VWA5A: variants seen among roughly 807,000 people sequenced by gnomAD.
The protein encoded by VWA5A is von Willebrand factor A domain-containing protein 5A.
Under a neutral mutation model 84.6 loss-of-function variants are expected in VWA5A, and 77 were observed. The ratio of observed to expected loss-of-function variants is 0.91; its 90% confidence interval spans 0.76 to 1.10. VWA5A has a LOEUF of 1.10. Among genes scored for constraint, VWA5A ranks in the 50% least tolerant of loss-of-function variants. VWA5A has a pLI of 0.00. For synonymous variants in VWA5A, 334 were observed against 350.1 expected (o/e 0.95, Z 0.51); for missense variants, 973 against 963.0 (o/e 1.01, Z -0.14).
intron 11 of VWA5A, chr11:124,124,572 AT>A (rs1037566326): frequency 6.4e-5 from 77 of 1,198,894 alleles, no homozygotes; most frequent in Middle Eastern, 6.3e-4. Flanking sequence ...TAAGATGTTA[AT>A]TTTTTTTACT....
chr11:124,145,772 A>T (rs1235689943), intron 18 of VWA5A, 94 bp from the exon 19 acceptor site: 1 of 1,302,516 alleles, frequency 7.7e-7, no homozygotes, highest in Non-Finnish European at 1.1e-6. Flanking sequence ...TTGAGGACAG[A>T]TAAAAGCACA....
At position 124,119,048 on chromosome 11, in the gene VWA5A, C is replaced by A. The variant is rs1344858081; in HGVS notation, c.719C>A (p.Pro240His). 3 of 1,614,204 alleles carry A rather than the reference C, an allele frequency of 1.9e-6. No individual in the cohort carries two copies. The South Asian group carries it at 3.3e-5, about 18-fold the overall frequency. Reference protein sequence around the residue: ...LLIYYNEVHTPSVVLEMGMPN... With the variant: ...LLIYYNEVHTHSVVLEMGMPN... ...ATTTACTACAATGAGGTGCATACCCCCAGCGTGGTTTTGGAGATGGGGATG... is the reference window on the plus strand; with the variant it reads ...ATTTACTACAATGAGGTGCATACCCACAGCGTGGTTTTGGAGATGGGGATG... The change falls in exon 7 of 19, where the codon CCC becomes CAC. Residue 240 changes from proline (P) to histidine (H), a missense_variant. Physicochemically the swap from Pro to His is moderately conservative, Grantham distance 77. Transcript: ENST00000456829.
intron 12 of VWA5A, 107 bp downstream of exon 12, chr11:124,135,141 T>C: frequency 1.2e-6 from 1 of 834,262 alleles, no homozygotes; most frequent in East Asian, 2.6e-5. Context: ...TCCTCCAGGA[T>C]ACCTGTTCCT....
rs1441393935 is a variant in VWA5A, at chr11:124,117,935, A to G, written c.246+60A>G. ...TACCTCCTCCCTTCTTATTTCCTTA[A>G]TGCATACTCTTTATGATCTCTACTA... On this transcript the variant is annotated intron_variant, in intron 4 of 18. Transcript: ENST00000456829. The G allele has an allele frequency of 3.8e-6, 6 of 1,575,790 alleles. No homozygotes were observed. In the African/African-American group the frequency reaches 8.1e-5, roughly 21 times the overall value.
intron 11 of VWA5A, among the ~76,000 whole-genome samples, chr11:124,128,526 G>A (rs1450188289): frequency 6.6e-6 from 1 of 152,122 alleles, no homozygotes; most frequent in Non-Finnish European, 1.5e-5. Flanking sequence ...GAAATTTAAA[G>A]TAGTTTTTTC....
Position 124,123,570 on chromosome 11 carries a change from C to G in VWA5A, c.1020-90C>G, listed in dbSNP as rs1303559276. 38 of 1,610,736 alleles carry G rather than the reference C, an allele frequency of 2.4e-5. No individual in the cohort carries two copies. The East Asian group carries it at 4.9e-4, about 21-fold the overall frequency. ...GGCATTGGGGGTTTCGGATAAGACT[C>G]TCTTTTAATGGGGGTTTCTCAATTC... On this transcript the variant is annotated intron_variant, in intron 9 of 18. Transcript: ENST00000456829.
At position 124,141,748 on chromosome 11, in the gene VWA5A, A is replaced by T; in HGVS notation, c.2023+7A>T. On this transcript the variant is annotated splice_region_variant and intron_variant, in intron 16 of 18. Coordinates refer to ENST00000456829, the MANE Select transcript of VWA5A (RefSeq NM_001130142.2). ...AAGGACCAGCACAGTCCAGGTGAGT[A>T]CCTTTATAGGAACATTTTCTCAACA... The T allele has an allele frequency of 6.2e-7, 1 of 1,612,624 alleles. No homozygotes were observed. Among genetic ancestry groups the T allele is most frequent in the Admixed American group, 1.7e-5 (1 of 59,746 alleles).
chr11:124,120,345 G>A (rs1253431981), intron 7 of VWA5A, among the ~76,000 whole-genome samples: 1 of 152,184 alleles, frequency 6.6e-6, no homozygotes, highest in Non-Finnish European at 1.5e-5. Context: ...ACACAGGACT[G>A]GAGTGCTATT....
rs1371661830 is a variant in VWA5A, at chr11:124,137,194, C to T, written c.1805C>T (p.Pro602Leu). Residue 602 changes from proline to leucine, a missense_variant, in exon 15 of 19, where the codon CCT (proline) becomes CTT (leucine). Transcript: ENST00000456829. ...GAGCTCAACAAGCCGGTTCAGGGGCCTCTGGCTCATAGGGACGTCCCAAGG... is the reference window on the plus strand; with the variant it reads ...GAGCTCAACAAGCCGGTTCAGGGGCTTCTGGCTCATAGGGACGTCCCAAGG... ...NKELNKPVQG[P>L]LAHRDVPRPI... is the part of the protein sequence containing the mutation. 6.2e-7 allele frequency: 1 copy of T among 1,614,150 alleles called. No individual in the cohort carries two copies. Among genetic ancestry groups the T allele is most frequent in the East Asian group, 2.2e-5 (1 of 44,868 alleles).
Position 124,119,019 on chromosome 11 carries a change from C to T in VWA5A, c.690C>T (p.Leu230=). 2 of 1,614,158 alleles carry T rather than the reference C, an allele frequency of 1.2e-6. No individual in the cohort carries two copies. The highest frequency in any genetic ancestry group is 2.2e-5 in the South Asian group (2 of 91,074). Residue 230 remains leucine, a synonymous_variant, in exon 7 of 19, where the codon CTC becomes CTT. Transcript: ENST00000456829. ...AGHKFDRDVE[L]LIYYNEVHTP... ...ACAAGTTTGATCGGGACGTGGAACT[C>T]CTGATTTACTACAATGAGGTGCATA...
chr11:124,118,129 T>C, intron 4 of VWA5A, 60 bp from the exon 5 acceptor site: 1 of 1,563,260 alleles, frequency 6.4e-7, no homozygotes, highest in Non-Finnish European at 8.7e-7. Context: ...TCGTCTCTTT[T>C]TCAGCCATGT....
chr11:124,131,963 G>A (rs528731758), intron 11 of VWA5A, among the ~76,000 whole-genome samples: 42 of 151,590 alleles, frequency 2.8e-4, no homozygotes, highest in African/African-American at 9.7e-4. Flanking sequence ...CCCTTTTTTT[G>A]TAGTTATCCT....
Position 124,145,899 on chromosome 11 carries a change from T to G in VWA5A, c.2315T>G (p.Ile772Ser). 6.3e-7 allele frequency: 1 copy of G among 1,588,928 alleles called. No individual in the cohort carries two copies. Among genetic ancestry groups the G allele is most frequent in the Non-Finnish European group, 8.6e-7 (1 of 1,163,808 alleles). Residue 772 changes from isoleucine (I) to serine (S), a missense_variant, in exon 19 of 19, where the codon ATT (isoleucine) becomes AGT (serine). By Grantham distance (142) the Ile-to-Ser change is moderately radical. Transcript: ENST00000456829. ...ATGCCTTCGGTTGTGAAAGCTGCTA[T>G]TACTTTCCTGAAGTCATCTGTGGAT... ...STMPSVVKAAITFLKSSVDPA... is the reference protein window; with the variant it reads ...STMPSVVKAASTFLKSSVDPA...
At chr11:124,138,633 G>T (rs184722510) in intron 15 of VWA5A, among the ~76,000 whole-genome samples, 8 of 152,118 alleles carry the variant, frequency 5.3e-5, no homozygotes, top group Admixed American at 5.2e-4. Context: ...TTTAAATAAG[G>T]TTATTTGCTT....
In VWA5A at chr11:124,117,884, G is replaced by GATTACCTCCTCCCTTCTTATTAC; in HGVS notation, c.246+31_246+53dup. 1 of 1,613,724 alleles carries GATTACCTCCTCCCTTCTTATTAC rather than the reference G, an allele frequency of 6.2e-7. No individual in the cohort carries two copies. The highest frequency in any genetic ancestry group is 8.5e-7 in the Non-Finnish European group (1 of 1,179,708). On this transcript the variant is annotated intron_variant, in intron 4 of 18. Coordinates refer to ENST00000456829, the MANE Select transcript of VWA5A (RefSeq NM_001130142.2). The stretch of plus-strand genomic sequence containing the variant: ...TACAAGACAAGATGAAGGTAGTAGA[G>GATTACCTCCTCCCTTCTTATTAC]ATTACCTCCTCCCTTCTTATTACAT...
intron 17 of VWA5A, among the ~76,000 whole-genome samples, chr11:124,142,930 G>A (rs1860757671): frequency 6.6e-6 from 1 of 152,152 alleles, no homozygotes. Flanking sequence ...ATATTCATGA[G>A]CTTATTTATT....
intron 11 of VWA5A, among the ~76,000 whole-genome samples, chr11:124,129,150 G>A (rs1865061540): frequency 6.6e-6 from 1 of 152,148 alleles, no homozygotes; most frequent in Non-Finnish European, 1.5e-5. Flanking sequence ...TTTGAGATAT[G>A]TTCCATCAAT....
At chr11:124,129,852 G>T (rs1865072436) in intron 11 of VWA5A, among the ~76,000 whole-genome samples, 1 of 151,982 alleles carries the variant, frequency 6.6e-6, no homozygotes, top group East Asian at 1.9e-4. Flanking sequence ...CTTTTATTGT[G>T]TCTATTTGAT....
At chr11:124,116,077 CGGT>C (rs1864824217) in intron 1 of VWA5A, 1 of 152,232 alleles carries the variant, frequency 6.6e-6, no homozygotes, top group Non-Finnish European at 1.5e-5. Flanking sequence ...TGTGTGTGGC[CGGT>C]GGTGCCACCC....
Sources: gnomAD v4.1 joint callset for allele counts (sites outside exome capture counted in the v4.1 genomes callset) on GRCh38, gnomAD v4.1.1 for gene constraint, MANE v1.5 for transcripts, NCBI Gene and HGNC (gene_info 2026-07-23, HGNC 2026-07-21) for gene names.